The following TNN variants were observed in gnomAD, a reference collection of about 807,000 sequenced individuals.
TNN encodes tenascin N.
In TNN, 122 loss-of-function variants were observed where a neutral mutation model predicts 134.4. The ratio of observed to expected loss-of-function variants is 0.91; its 90% CI spans 0.78 to 1.06. The LOEUF (loss-of-function observed/expected upper bound fraction) is 1.06, where lower values mean the gene tolerates loss of function less well. Ranked by LOEUF, TNN falls within the 50% of genes least tolerant of loss-of-function variation. The pLI, the probability that TNN is intolerant of heterozygous loss-of-function variation, is 0.00. For missense variants in TNN, 1,739 were observed against 1,699.4 expected (o/e 1.02, Z -0.41); for synonymous variants, 710 against 670.3 (o/e 1.06, Z -0.91).
Position 175,126,944 on chromosome 1 carries a change from T to C in TNN, c.2915-11T>C, listed in dbSNP as rs1475784089. 6.2e-7 allele frequency: 1 copy of C among 1,600,646 alleles called. No homozygotes were observed. The highest frequency in any genetic ancestry group is 8.5e-7 in the Non-Finnish European group (1 of 1,176,214). ...CTTAGTAATAACAATTACCTGACTT[T>C]CTACGTACAGAACTCGACCCTCCCA... On this transcript the variant is annotated splice_polypyrimidine_tract_variant and intron_variant, in intron 12 of 18. Transcript: ENST00000239462.
Position 175,097,684 on chromosome 1 carries a change from G to T in TNN, c.1855+1G>T. 6.2e-7 allele frequency: 1 copy of T among 1,614,038 alleles called. No individual in the cohort carries two copies. The highest frequency in any genetic ancestry group is 8.5e-7 in the Non-Finnish European group (1 of 1,179,966). ...AAGGCTGACACCAACGCCCCGACAG[G>T]TAACAAAAGAGAGATGGTCAATTGG... On this transcript the variant is annotated splice_donor_variant, in intron 8 of 18. Transcript: ENST00000239462. LOFTEE classifies it high-confidence loss of function.
chr1:175,147,702 C>A lies in TNN; in HGVS notation c.*631C>A, dbSNP rs1676109049. On this transcript the variant is annotated 3_prime_UTR_variant, in exon 19 of 19. Coordinates refer to ENST00000239462, the MANE Select transcript of TNN (RefSeq NM_022093.2). ...CCTTACTGCTATTTTTAAGTGCCCT[C>A]TTTTCAGTCATTTGCATAATTGCGT... 1.3e-5 allele frequency: 2 copies of A among 152,228 alleles called. No homozygotes were observed. The highest frequency in any genetic ancestry group is 2.4e-5 in the African/African-American group (1 of 41,450). The allele number at this position is 152,228 out of a possible 1,614,324, so 9.4% of individuals were successfully genotyped here. A position where few individuals can be genotyped will look rare whatever the true frequency, so the allele number is the denominator to read the frequency against.
chr1:175,083,180 A>G (rs1377359124), intron 4 of TNN, among the ~76,000 whole-genome samples: 1 of 152,270 alleles, frequency 6.6e-6, no homozygotes, highest in Admixed American at 6.5e-5. Context: ...AAATTCACCT[A>G]CTTTATAGTT....
intron 16 of TNN, 39 bp downstream of exon 16, chr1:175,135,980 G>A (rs764831283): frequency 3.4e-5 from 49 of 1,458,656 alleles, no homozygotes; most frequent in Non-Finnish European, 4.5e-5. Flanking sequence ...GCTGTGGGGG[G>A]TGATTTCTCC....
chr1:175,101,565 C>T (rs903120397), intron 9 of TNN, among the ~76,000 whole-genome samples: 32 of 149,716 alleles, frequency 2.1e-4, no homozygotes, highest in African/African-American at 5.8e-4. Context: ...TTGGTAGAGC[C>T]GAGTGGCCTG....
At chr1:175,088,367 G>A (rs1265118053) in intron 6 of TNN, among the ~76,000 whole-genome samples, 2 of 152,174 alleles carry the variant, frequency 1.3e-5, no homozygotes, top group Admixed American at 6.5e-5. Context: ...TTTAGGAGCT[G>A]TGTGCCAGGA....
rs569055877 is a variant in TNN, at chr1:175,124,419, GC to G, written c.2914+758del. On this transcript the variant is annotated intron_variant, in intron 12 of 18. Transcript: ENST00000239462. ...AAAACGGCCAGGCGCGGTGGCTCAT[GC>G]CTGTAATCCCAGCCCTTTGGGAGGT... Among the ~76,000 whole-genome samples, 561 of 152,324 alleles carry G rather than the reference GC, an allele frequency of 3.7e-3. 5 individuals are homozygous for G. Among genetic ancestry groups the G allele is most frequent in the South Asian group, 7.9e-3 (38 of 4,826 alleles).
At chr1:175,100,911 C>A (rs893062327) in intron 9 of TNN, among the ~76,000 whole-genome samples, 1 of 152,076 alleles carries the variant, frequency 6.6e-6, no homozygotes, top group Non-Finnish European at 1.5e-5. Context: ...TTTATAGGTA[C>A]ATGTGATGTT....
intron 12 of TNN, among the ~76,000 whole-genome samples, chr1:175,125,703 CTCTTTCTT>C (rs1173340653): frequency 0.12 from 7,803 of 65,014 alleles, 338 homozygotes; most frequent in Middle Eastern, 0.2. Flanking sequence ...TCTTTTTTCT[CTCTTTCTT>C]TCTTTCTTTC....
In TNN at chr1:175,143,011, C is replaced by T. The variant is rs185514898; in HGVS notation, c.3596-1376C>T. Among the ~76,000 whole-genome samples the T allele has an allele frequency of 6.5e-4, 99 of 152,264 alleles. 1 individual carries two copies. The highest frequency in any genetic ancestry group is 2.2e-3 in the African/African-American group (90 of 41,546). The stretch of plus-strand genomic sequence containing the variant: ...TTGATAGATAGCTCTCTCTTGCTAG[C>T]GTGCAAGAAGCCCCCCATTGAAACA... On this transcript the variant is annotated intron_variant, in intron 17 of 18. Coordinates refer to ENST00000239462, the MANE Select transcript of TNN (RefSeq NM_022093.2).
intron 1 of TNN, among the ~76,000 whole-genome samples, chr1:175,069,329 C>G (rs575917039): frequency 1.3e-5 from 2 of 152,282 alleles, no homozygotes; most frequent in South Asian, 2.1e-4. Context: ...AGTATCAATA[C>G]TGGTATCATT....
intron 15 of TNN, among the ~76,000 whole-genome samples, chr1:175,134,184 G>C (rs1294991405): frequency 2.0e-5 from 3 of 152,116 alleles, no homozygotes; most frequent in Admixed American, 2.0e-4. Context: ...TTGCTCTGTG[G>C]TATTTTCATT....
intron 9 of TNN, among the ~76,000 whole-genome samples, chr1:175,109,790 AT>A (rs1219392267): frequency 6.6e-6 from 1 of 151,838 alleles, no homozygotes; most frequent in Non-Finnish European, 1.5e-5. Flanking sequence ...TATTTTGGTT[AT>A]TATGAATAGT....
chr1:175,077,377 A>C lies in TNN; in HGVS notation c.-35-7A>C. 6.4e-7 allele frequency: 1 copy of C among 1,562,496 alleles called. No homozygotes were observed. Among genetic ancestry groups the C allele is most frequent in the South Asian group, 1.2e-5 (1 of 84,218 alleles). On this transcript the variant is annotated splice_polypyrimidine_tract_variant and splice_region_variant and intron_variant, in intron 1 of 18. Coordinates refer to ENST00000239462, the MANE Select transcript of TNN (RefSeq NM_022093.2). ...GTGGCTTTCTTTTGCAATGTTTCTG[A>C]ATACAGGCATCCTGGAGGGTCTGCT...
intron 1 of TNN, among the ~76,000 whole-genome samples, chr1:175,072,370 T>TGTAAATGCCC (rs1363800054): frequency 6.6e-6 from 1 of 152,234 alleles, no homozygotes; most frequent in African/African-American, 2.4e-5. Context: ...ATTTCCTGCA[T>TGTAAATGCCC]GTAAATGCCC....
In TNN at chr1:175,079,697, CTG is replaced by C; in HGVS notation, c.777_778del (p.Ala260ProfsTer57). The C allele has an allele frequency of 1.1e-5, 18 of 1,597,288 alleles. No individual in the cohort carries two copies. The highest frequency in any genetic ancestry group is 1.5e-5 in the Non-Finnish European group (17 of 1,170,158). The part of the protein sequence containing the change: ...YCEEGFTGLD[C>X]AQVVTPQGLQ... ...GCGAGGAGGGCTTCACAGGCCTGGA[CTG>C]TGCCCAGGGTGAGAGCGGAGATGTG... On this transcript the variant is annotated frameshift_variant, in exon 3 of 19. Transcript: ENST00000239462. LOFTEE classifies it high-confidence loss of function.
Position 175,079,715 on chromosome 1 carries a change from C to A in TNN, c.784+8C>A, listed in dbSNP as rs371239016. On this transcript the variant is annotated splice_region_variant and intron_variant, in intron 3 of 18. Coordinates refer to ENST00000239462, the MANE Select transcript of TNN (RefSeq NM_022093.2). ...GCCTGGACTGTGCCCAGGGTGAGAG[C>A]GGAGATGTGCCCTCGGGCCGCCGGA... 1.1e-5 allele frequency: 17 copies of A among 1,571,600 alleles called. No individual in the cohort carries two copies. Among genetic ancestry groups the A allele is most frequent in the Non-Finnish European group, 1.4e-5 (16 of 1,156,124 alleles).
intron 9 of TNN, among the ~76,000 whole-genome samples, chr1:175,107,314 C>G (rs1413950824): frequency 7.1e-6 from 1 of 141,708 alleles, no homozygotes; most frequent in African/African-American, 2.5e-5. Flanking sequence ...AGTGTTACAG[C>G]TCTTAAGGTG....
chr1:175,142,175 A>G (rs1016064981), intron 17 of TNN, among the ~76,000 whole-genome samples: 2 of 152,170 alleles, frequency 1.3e-5, no homozygotes, highest in Non-Finnish European at 2.9e-5. Context: ...CCTTTCTTGG[A>G]TTGGAGAAAA....
Sources: gnomAD v4.1 joint callset for allele counts (sites outside exome capture counted in the v4.1 genomes callset) on GRCh38, gnomAD v4.1.1 for gene constraint, MANE v1.5 for transcripts, NCBI Gene and HGNC (gene_info 2026-07-23, HGNC 2026-07-21) for gene names.